The following FAM20A variants were observed in gnomAD, a reference collection of about 807,000 sequenced individuals.
FAM20A encodes FAM20A golgi associated secretory pathway pseudokinase.
Under a neutral mutation model 52.0 loss-of-function variants are expected in FAM20A, and 42 were observed. The ratio of observed to expected loss-of-function variants is 0.81; its 90% CI spans 0.63 to 1.04. The LOEUF (loss-of-function observed/expected upper bound fraction) is 1.04. Among genes scored for constraint, FAM20A ranks in the 50% least tolerant of loss-of-function variants. FAM20A has a pLI of 0.00. For synonymous variants in FAM20A, 304 were observed against 298.9 expected (o/e 1.02, Z -0.18); for missense variants, 742 against 712.7 (o/e 1.04, Z -0.47).
chr17:68,600,135 G>A lies in FAM20A; in HGVS notation c.404+128C>T. The A allele has an allele frequency of 8.9e-7, 1 of 1,129,164 alleles. No individual in the cohort carries two copies. Among genetic ancestry groups the A allele is most frequent in the South Asian group, 1.6e-5 (1 of 63,526 alleles). The allele number at this position is 1,129,164 out of a possible 1,614,324, so 69.9% of individuals were successfully genotyped here. On this transcript the variant is annotated intron_variant, in intron 1 of 10. Transcript: ENST00000592554. This position sits in a 1 kb window ranked among gnomAD's most constrained non-coding sequence, Gnocchi z 6.2. ...GTGGGGAACACACTCTAAGCCCAGC[G>A]CCAGGGCTGGAGCCGTGGGTGGAGC... is the stretch of plus-strand genomic sequence containing the variant.
At chr17:68,584,342 CAAAACAA>C (rs750350382) in intron 1 of FAM20A, among the ~76,000 whole-genome samples, 14 of 43,816 alleles carry the variant, frequency 3.2e-4, no homozygotes, top group South Asian at 2.7e-3. Flanking sequence ...CAAAACAAAA[CAAAACAA>C]AAAAAAAACC....
Position 68,551,688 on chromosome 17 carries a change from AATTATTATTATTATT to A in FAM20A, c.719+170_719+184del, listed in dbSNP as rs34824326. Among the ~76,000 whole-genome samples the A allele has an allele frequency of 1.2e-4, 16 of 134,850 alleles. 1 individual carries two copies. Among genetic ancestry groups the A allele is most frequent in the East Asian group, 4.2e-4 (2 of 4,782 alleles). The allele number at this position is 134,850 out of a possible 152,430, so 88.5% of individuals were successfully genotyped here. On this transcript the variant is annotated intron_variant, in intron 4 of 10. Transcript: ENST00000592554. ...AAAAAGACAAGCTCTTAGTATTTTC[AATTATTATTATTATT>A]ATTATTATTATTATTATTATTATCA...
At chr17:68,597,758 A>G (rs80097540) in intron 1 of FAM20A, among the ~76,000 whole-genome samples, 2,360 of 152,248 alleles carry the variant, frequency 0.016, 62 homozygotes, top group African/African-American at 0.054. Flanking sequence ...CTGTGAAGAG[A>G]AAAACAATTA....
intron 1 of FAM20A, among the ~76,000 whole-genome samples, chr17:68,575,791 TAC>T (rs761949775): frequency 0.034 from 3,510 of 104,142 alleles, 57 homozygotes; most frequent in African/African-American, 0.044. Context: ...TTTTATATTA[TAC>T]ACACACACAC....
chr17:68,552,065 C>G (rs896963433), intron 3 of FAM20A, 114 bp from the exon 4 acceptor site: 1 of 714,350 alleles, frequency 1.4e-6, no homozygotes, highest in African/African-American at 1.8e-5. Flanking sequence ...TAATGAGACC[C>G]TAAAGACTAG....
intron 1 of FAM20A, among the ~76,000 whole-genome samples, chr17:68,559,011 A>G (rs942922314): frequency 4.6e-5 from 7 of 152,054 alleles, no homozygotes; most frequent in Non-Finnish European, 8.8e-5. Flanking sequence ...GCCCGCCTTG[A>G]CCACCCAAAG....
At chr17:68,589,967 AAACAGCTTTT>A (rs1473113002) in intron 1 of FAM20A, among the ~76,000 whole-genome samples, 1 of 152,226 alleles carries the variant, frequency 6.6e-6, no homozygotes, top group Non-Finnish European at 1.5e-5. Flanking sequence ...TTGCAGCAGG[AAACAGCTTTT>A]AACAGCTCAC....
chr17:68,584,822 A>G (rs551631152), intron 1 of FAM20A, among the ~76,000 whole-genome samples: 3 of 152,350 alleles, frequency 2.0e-5, no homozygotes, highest in East Asian at 1.9e-4. Context: ...CTAGCTCATC[A>G]TATTTGGCTG....
At chr17:68,544,709 C>G (rs974813063) in intron 4 of FAM20A, among the ~76,000 whole-genome samples, 2 of 151,026 alleles carry the variant, frequency 1.3e-5, no homozygotes, top group Non-Finnish European at 3.0e-5. Context: ...GCCACCGTTA[C>G]AGCACAACCC....
intron 7 of FAM20A, chr17:68,541,205 G>A (rs888630679): frequency 1.4e-5 from 7 of 505,694 alleles, no homozygotes; most frequent in African/African-American, 3.9e-5. Context: ...CTGTGTGCCA[G>A]AGGGGAGAGG....
At position 68,600,189 on chromosome 17, in the gene FAM20A, G is replaced by A. The variant is rs968922956; in HGVS notation, c.404+74C>T. The A allele has an allele frequency of 3.3e-6, 5 of 1,510,358 alleles. No homozygotes were observed. The highest frequency in any genetic ancestry group is 4.4e-6 in the Non-Finnish European group (5 of 1,126,378). 93.6% of individuals were successfully genotyped at this position (1,510,358 alleles called of 1,614,324 possible). A position where few individuals can be genotyped will look rare whatever the true frequency, so the allele number is the denominator to read the frequency against. On this transcript the variant is annotated intron_variant, in intron 1 of 10. Coordinates refer to ENST00000592554, the MANE Select transcript of FAM20A (RefSeq NM_017565.4). The surrounding 1 kb of genome is among the most constrained non-coding windows in gnomAD (Gnocchi z 6.2). ...TGCAGCCCTGGGCCGGGGGCGTCAG[G>A]AAACTCGAGACTGGGGCGCGGGGAG... is the stretch of plus-strand genomic sequence containing the variant.
intron 8 of FAM20A, 103 bp downstream of exon 8, chr17:68,540,742 TACTC>T: frequency 7.3e-7 from 1 of 1,367,032 alleles, no homozygotes; most frequent in Middle Eastern, 2.1e-4. Flanking sequence ...GGTGCAGAGT[TACTC>T]AGTCCTCATG....
intron 4 of FAM20A, among the ~76,000 whole-genome samples, chr17:68,548,750 T>TTTTTA (rs2086689708): frequency 7.2e-6 from 1 of 139,186 alleles, no homozygotes; most frequent in African/African-American, 2.9e-5. Context: ...TTTTTTTTTT[T>TTTTTA]GAGACAGAAT....
At chr17:68,541,173 C>T in intron 7 of FAM20A, 3 of 586,528 alleles carry the variant, frequency 5.1e-6, no homozygotes, top group Non-Finnish European at 8.8e-6. Flanking sequence ...GTCTGGTGGA[C>T]ACTAAACCCA....
At chr17:68,549,258 G>A (rs781093642) in intron 4 of FAM20A, among the ~76,000 whole-genome samples, 9 of 152,160 alleles carry the variant, frequency 5.9e-5, no homozygotes, top group Non-Finnish European at 1.2e-4. Context: ...ACATTGGGAG[G>A]CCAAGACAGG....
intron 1 of FAM20A, among the ~76,000 whole-genome samples, chr17:68,567,306 A>G (rs2087405101): frequency 6.6e-6 from 1 of 151,954 alleles, no homozygotes; most frequent in Admixed American, 6.6e-5. Context: ...GTTTGTTTTT[A>G]CAAAATCAAG....
rs2143423854 is a variant in FAM20A at position 68,535,249 on chromosome 17, A to G, written c.*2228T>C. ...ATGAGTCTTAATTTTGTTACTAATCAAAAAGTAATGGAAGGTTGAAAGATA... is the reference window on the plus strand; with the variant it reads ...ATGAGTCTTAATTTTGTTACTAATCGAAAAGTAATGGAAGGTTGAAAGATA... On this transcript the variant is annotated 3_prime_UTR_variant, in exon 11 of 11. Coordinates refer to ENST00000592554, the MANE Select transcript of FAM20A (RefSeq NM_017565.4). 1 of 451,308 alleles carries G rather than the reference A, an allele frequency of 2.2e-6. No individual in the cohort carries two copies. The highest frequency in any genetic ancestry group is 7.0e-4 in the Middle Eastern group (1 of 1,432). The allele number at this position is 451,308 out of a possible 1,614,324, so 28.0% of individuals were successfully genotyped here. A position where few individuals can be genotyped will look rare whatever the true frequency, so the allele number is the denominator to read the frequency against.
rs189127283 is a variant in FAM20A at position 68,540,516 on chromosome 17, T to C, written c.1219+333A>G. On this transcript the variant is annotated intron_variant, in intron 8 of 10. Transcript: ENST00000592554. ...TGGCCTCGCCTGAGGCCCTCCCTGC[T>C]ACATATTTGTGTACTTTCTTCCCTT... is the stretch of plus-strand genomic sequence containing the variant. The C allele has an allele frequency of 9.1e-4, 439 of 483,672 alleles. 1 individual carries two copies. Among genetic ancestry groups the C allele is most frequent in the African/African-American group, 7.4e-3 (379 of 51,366 alleles). 30.0% of individuals were successfully genotyped at this position (483,672 alleles called of 1,614,324 possible). A position where few individuals can be genotyped will look rare whatever the true frequency, so the allele number is the denominator to read the frequency against.
intron 1 of FAM20A, among the ~76,000 whole-genome samples, chr17:68,566,015 C>T (rs1055722077): frequency 6.6e-6 from 1 of 152,122 alleles, no homozygotes; most frequent in East Asian, 1.9e-4. Context: ...GTTTAGTGTT[C>T]CTGTACTTTC....
Sources: gnomAD v4.1 joint callset for allele counts (sites outside exome capture counted in the v4.1 genomes callset) on GRCh38, gnomAD v4.1.1 for gene constraint, Gnocchi (gnomAD v3.1) non-coding constraint, MANE v1.5 for transcripts, NCBI Gene and HGNC (gene_info 2026-07-23, HGNC 2026-07-21) for gene names.